The following WWTR1 variants were observed in gnomAD, a reference collection of about 807,000 sequenced individuals.
WWTR1 encodes WW domain-containing transcription regulator protein 1.
WWTR1 carries 13 observed loss-of-function variants against 40.1 expected under a neutral mutation model. The ratio of observed to expected loss-of-function variants is 0.32; its 90% CI spans 0.21 to 0.52. The LOEUF is 0.52. WWTR1 is among the 20% of genes least tolerant of loss of function. The pLI, the probability that WWTR1 is intolerant of heterozygous loss-of-function variation, is 0.97. For synonymous variants in WWTR1, 230 were observed against 210.1 expected (o/e 1.09, Z -0.82); for missense variants, 436 against 523.1 (o/e 0.83, Z 1.63).
At chr3:149,561,172 A>T (rs1737064065) in intron 3 of WWTR1, among the ~76,000 whole-genome samples, 1 of 152,258 alleles carries the variant, frequency 6.6e-6, no homozygotes, top group Non-Finnish European at 1.5e-5. Flanking sequence ...ATGATAAAAA[A>T]TAGAATCAAC....
intron 3 of WWTR1, among the ~76,000 whole-genome samples, chr3:149,572,319 G>C (rs1328778212): frequency 6.6e-6 from 1 of 152,152 alleles, no homozygotes; most frequent in African/African-American, 2.4e-5. Flanking sequence ...AGGGAAATAA[G>C]GATAGGGATT....
At chr3:149,586,677 G>A (rs927358640) in intron 2 of WWTR1, among the ~76,000 whole-genome samples, 4 of 152,138 alleles carry the variant, frequency 2.6e-5, no homozygotes, top group African/African-American at 9.7e-5. Flanking sequence ...CTCCTACATA[G>A]CCTTAGGAAG....
chr3:149,680,346 C>T (rs1714414800), intron 1 of WWTR1, among the ~76,000 whole-genome samples: 1 of 152,172 alleles, frequency 6.6e-6, no homozygotes, highest in Admixed American at 6.5e-5. Context: ...GAGTTCAAGA[C>T]CAGCCTGGCC....
intron 2 of WWTR1, among the ~76,000 whole-genome samples, chr3:149,602,840 A>G (rs566945497): frequency 2.6e-5 from 4 of 152,108 alleles, no homozygotes; most frequent in African/African-American, 9.7e-5. Flanking sequence ...TTGTATTTAC[A>G]GTAGAGACGG....
At chr3:149,585,942 C>T (rs564736737) in intron 2 of WWTR1, among the ~76,000 whole-genome samples, 36 of 152,284 alleles carry the variant, frequency 2.4e-4, no homozygotes, top group Admixed American at 1.0e-3. Flanking sequence ...AATGGAAAAA[C>T]AGATTTAGCC....
chr3:149,568,551 A>C (rs796628557), intron 3 of WWTR1, among the ~76,000 whole-genome samples: 7,121 of 72,062 alleles, frequency 0.099, 100 homozygotes, highest in Non-Finnish European at 0.13. Context: ...AAAAAAAAAA[A>C]AAAAAAAAAC....
intron 4 of WWTR1, among the ~76,000 whole-genome samples, chr3:149,539,151 T>C (rs1012918522): frequency 6.6e-6 from 1 of 152,118 alleles, no homozygotes; most frequent in African/African-American, 2.4e-5. Flanking sequence ...CAAGGAGTTG[T>C]TTTTTTCATG....
At chr3:149,716,865 G>A (rs940360979) in intron 5 of WWTR1, among the ~76,000 whole-genome samples, 4 of 151,954 alleles carry the variant, frequency 2.6e-5, no homozygotes, top group Non-Finnish European at 5.9e-5. Context: ...AAAAAATGTG[G>A]GCATACAGTC....
rs781520853 is a variant in WWTR1 at position 149,526,066 on chromosome 3, C to CTGT, written c.962_964dup (p.Tyr321_Ser322insAsn). On this transcript the variant is annotated inframe_insertion, in exon 6 of 7. Transcript: ENST00000360632. ...GAAGTCCTCCGGAGTTGTGGGGACA[C>CTGT]TGTAGCACCCTAACCCCAGGCCACT... 3 of 1,612,188 alleles carry CTGT rather than the reference C, an allele frequency of 1.9e-6. No individual in the cohort carries two copies. The highest frequency in any genetic ancestry group is 1.7e-6 in the Non-Finnish European group (2 of 1,179,008).
At chr3:149,565,835 C>CGGGAGGTGGAGGTTGTG (rs1219658888) in intron 3 of WWTR1, among the ~76,000 whole-genome samples, 1 of 147,796 alleles carries the variant, frequency 6.8e-6, no homozygotes, top group African/African-American at 2.5e-5. Context: ...TGCTTGAACC[C>CGGGAGGTGGAGGTTGTG]GGGAGGTGGA....
intron 2 of WWTR1, among the ~76,000 whole-genome samples, chr3:149,586,884 G>A (rs1425668502): frequency 1.3e-5 from 2 of 152,220 alleles, no homozygotes; most frequent in African/African-American, 4.8e-5. Context: ...CTGGATAGCT[G>A]AACATGTGAA....
intron 2 of WWTR1, among the ~76,000 whole-genome samples, chr3:149,595,362 A>G (rs1215608282): frequency 1.3e-5 from 2 of 152,216 alleles, no homozygotes; most frequent in Non-Finnish European, 2.9e-5. Flanking sequence ...TTCAAAAACA[A>G]AAGAAAAAAA....
intron 1 of WWTR1, among the ~76,000 whole-genome samples, chr3:149,692,925 G>A (rs938302157): frequency 2.7e-4 from 41 of 152,192 alleles, no homozygotes; most frequent in African/African-American, 8.4e-4. Flanking sequence ...GTAAGCCACC[G>A]TGCATGGCTC....
At chr3:149,610,124 A>C (rs1560083619) in intron 2 of WWTR1, among the ~76,000 whole-genome samples, 1 of 152,214 alleles carries the variant, frequency 6.6e-6, no homozygotes, top group Admixed American at 6.5e-5. Flanking sequence ...TTGAGATGCT[A>C]TTCTTTCTAA....
intron 6 of WWTR1, among the ~76,000 whole-genome samples, chr3:149,521,988 A>G (rs1237900185): frequency 5.9e-5 from 9 of 152,214 alleles, no homozygotes; most frequent in Admixed American, 2.0e-4. Flanking sequence ...TATACATACA[A>G]AAATATAATA....
intron 2 of WWTR1, among the ~76,000 whole-genome samples, chr3:149,637,121 C>G (rs1273312678): frequency 6.6e-6 from 1 of 152,060 alleles, no homozygotes; most frequent in African/African-American, 2.4e-5. Context: ...TATTTCTAAA[C>G]TCAATTTCAC....
chr3:149,702,182 C>A (rs1715199148), intron 1 of WWTR1: 1 of 155,062 alleles, frequency 6.4e-6, no homozygotes, highest in Admixed American at 6.5e-5. Flanking sequence ...TGACAGCAGT[C>A]ATCAGTCATA....
At chr3:149,717,815 C>T (rs1040463345) in intron 4 of WWTR1, among the ~76,000 whole-genome samples, 1 of 152,096 alleles carries the variant, frequency 6.6e-6, no homozygotes, top group African/African-American at 2.4e-5. Context: ...TATGGAAATT[C>T]AGGAACAAGA....
At chr3:149,696,758 C>A (rs1715007136) in intron 1 of WWTR1, among the ~76,000 whole-genome samples, 1 of 152,158 alleles carries the variant, frequency 6.6e-6, no homozygotes, top group Non-Finnish European at 1.5e-5. Flanking sequence ...TGAATTCATT[C>A]TCCATCCCAT....
Sources: gnomAD v4.1 joint callset for allele counts (sites outside exome capture counted in the v4.1 genomes callset) on GRCh38, gnomAD v4.1.1 for gene constraint, MANE v1.5 for transcripts, NCBI Gene and HGNC (gene_info 2026-07-23, HGNC 2026-07-21) for gene names.